Variants in SCARA5 observed in about 807,000 individuals in gnomAD.
SCARA5 encodes the protein scavenger receptor class A, member 5 (putative).
Under a neutral mutation model 46.3 loss-of-function variants are expected in SCARA5, and 45 were observed. That is an observed-to-expected ratio of 0.97 (90% CI 0.76 to 1.24). SCARA5 has a LOEUF of 1.24. Ranked by LOEUF, SCARA5 falls within the 50% of genes most tolerant of loss-of-function variation. The pLI is 0.00. For missense variants in SCARA5, 680 were observed against 689.0 expected (o/e 0.99, Z 0.15); for synonymous variants, 333 against 306.5 (o/e 1.09, Z -0.90).
rs1422865662 is a variant in SCARA5, at chr8:27,871,774, G to A, written c.*160C>T. On this transcript the variant is annotated 3_prime_UTR_variant, in exon 9 of 9. Transcript: ENST00000354914. ...CGGAGCACATGTTCAAGAGGGAAAT[G>A]ACGACCGGCCCCCACGGTCCTGGGA... is the stretch of plus-strand genomic sequence containing the variant. 32 of 1,462,910 alleles carry A rather than the reference G, an allele frequency of 2.2e-5. No individual in the cohort carries two copies. Among genetic ancestry groups the A allele is most frequent in the Non-Finnish European group, 2.8e-5 (31 of 1,109,912 alleles). The allele number at this position is 1,462,910 out of a possible 1,614,324, so 90.6% of individuals were successfully genotyped here. A position where few individuals can be genotyped will look rare whatever the true frequency, so the allele number is the denominator to read the frequency against.
rs1053298463 is a variant in SCARA5, at chr8:27,870,707, A to T, written c.*1227T>A. The stretch of plus-strand genomic sequence containing the variant: ...CCCTGTCTCTAGGAGGAGGGTGCAG[A>T]TTGCAGATTTATGGAGGCCCAAGGC... On this transcript the variant is annotated 3_prime_UTR_variant, in exon 9 of 9. Coordinates refer to ENST00000354914, the MANE Select transcript of SCARA5 (RefSeq NM_173833.6). 1 of 152,152 alleles carries T rather than the reference A, an allele frequency of 6.6e-6. No individual in the cohort carries two copies. The highest frequency in any genetic ancestry group is 1.5e-5 in the Non-Finnish European group (1 of 68,044). 9.4% of individuals were successfully genotyped at this position (152,152 alleles called of 1,614,324 possible). A position where few individuals can be genotyped will look rare whatever the true frequency, so the allele number is the denominator to read the frequency against.
intron 2 of SCARA5, among the ~76,000 whole-genome samples, chr8:27,982,070 A>T (rs1056398861): frequency 6.6e-6 from 1 of 152,286 alleles, no homozygotes; most frequent in South Asian, 2.1e-4. Flanking sequence ...CCGGGCCTGG[A>T]GGCAGCGAGC....
intron 7 of SCARA5, among the ~76,000 whole-genome samples, chr8:27,885,114 T>C (rs995655453): frequency 6.6e-6 from 1 of 151,482 alleles, no homozygotes; most frequent in Non-Finnish European, 1.5e-5. Flanking sequence ...GCAGGCACCA[T>C]CTTGGACAGG....
intron 3 of SCARA5, among the ~76,000 whole-genome samples, chr8:27,949,965 G>A (rs956561584): frequency 6.6e-6 from 1 of 152,234 alleles, no homozygotes; most frequent in African/African-American, 2.4e-5. Context: ...GCATGAACAA[G>A]CAGGCTGGCC....
intron 3 of SCARA5, among the ~76,000 whole-genome samples, chr8:27,955,295 C>T (rs1462895815): frequency 6.6e-6 from 1 of 152,134 alleles, no homozygotes. Flanking sequence ...CCCAGCAGGG[C>T]GAGACGGGAG....
intron 4 of SCARA5, among the ~76,000 whole-genome samples, chr8:27,916,880 A>C (rs935543962): frequency 3.8e-4 from 58 of 152,160 alleles, no homozygotes; most frequent in African/African-American, 1.4e-3. Context: ...CCTAATCACC[A>C]AGGCAATGGT....
chr8:27,978,734 C>T (rs930235006), intron 2 of SCARA5, among the ~76,000 whole-genome samples: 1 of 152,100 alleles, frequency 6.6e-6, no homozygotes, highest in African/African-American at 2.4e-5. Context: ...TGGTCTTGAA[C>T]TCCTGGCCTC....
intron 3 of SCARA5, among the ~76,000 whole-genome samples, chr8:27,951,176 T>G (rs980492209): frequency 6.6e-6 from 1 of 152,224 alleles, no homozygotes. Flanking sequence ...AAATTTAGGC[T>G]AGTGAATGAT....
At chr8:27,920,160 A>ACATTTTTG (rs1348870761) in intron 4 of SCARA5, among the ~76,000 whole-genome samples, 2 of 152,072 alleles carry the variant, frequency 1.3e-5, no homozygotes, top group Non-Finnish European at 2.9e-5. Flanking sequence ...GGAGGCCCAT[A>ACATTTTTG]CATTTTTGCA....
chr8:27,946,242 TG>T (rs1285851571), intron 3 of SCARA5, among the ~76,000 whole-genome samples: 1 of 152,176 alleles, frequency 6.6e-6, no homozygotes, highest in Admixed American at 6.5e-5. Flanking sequence ...TGTAACAATG[TG>T]GGACATGCAT....
chr8:27,874,273 AG>A (rs1806689266), intron 8 of SCARA5, among the ~76,000 whole-genome samples: 2 of 152,342 alleles, frequency 1.3e-5, no homozygotes, highest in Admixed American at 6.5e-5. Flanking sequence ...ACTATTTAAC[AG>A]GTATTTAAGA....
intron 3 of SCARA5, among the ~76,000 whole-genome samples, chr8:27,948,143 T>C (rs1487761841): frequency 6.6e-6 from 1 of 152,168 alleles, no homozygotes. Flanking sequence ...TTCTGTGTAT[T>C]TCACCAGAAT....
At chr8:27,935,409 G>A (rs1201272193) in intron 3 of SCARA5, among the ~76,000 whole-genome samples, 3 of 152,168 alleles carry the variant, frequency 2.0e-5, no homozygotes, top group African/African-American at 7.2e-5. Context: ...GTCTCAATGG[G>A]TGGTTGGAGC....
rs1807606384 is a variant in SCARA5, at chr8:27,922,129, C to T, written c.358G>A (p.Asp120Asn). The T allele has an allele frequency of 6.2e-7, 1 of 1,606,996 alleles. No homozygotes were observed. Among genetic ancestry groups the T allele is most frequent in the Non-Finnish European group, 8.5e-7 (1 of 1,177,554 alleles). The change falls in exon 4 of 9, where the codon GAC becomes AAC. Residue 120 changes from aspartate (D) to asparagine (N), a missense_variant. Physicochemically the swap from Asp to Asn is conservative, Grantham distance 23. Coordinates refer to ENST00000354914, the MANE Select transcript of SCARA5 (RefSeq NM_173833.6). ...LRLLQAPLQA[D>N]LTEQVWKVQD... ...ACCTTCCACACCTGCTCCGTCAGGTCCGCTTGCAGCGGAGCCTGCAGCAGC... is the reference window on the plus strand; with the variant it reads ...ACCTTCCACACCTGCTCCGTCAGGTTCGCTTGCAGCGGAGCCTGCAGCAGC...
intron 7 of SCARA5, among the ~76,000 whole-genome samples, chr8:27,897,449 A>C (rs1473873965): frequency 6.6e-6 from 1 of 152,264 alleles, no homozygotes; most frequent in Admixed American, 6.5e-5. Flanking sequence ...TCTTTGTTCA[A>C]AACCCACATC....
chr8:27,919,461 C>T (rs1807546622), intron 4 of SCARA5, among the ~76,000 whole-genome samples: 1 of 152,088 alleles, frequency 6.6e-6, no homozygotes, highest in Admixed American at 6.6e-5. Context: ...GAGAACATCA[C>T]ATGTTTCTGG....
chr8:27,892,886 G>A (rs1350819470), intron 7 of SCARA5, among the ~76,000 whole-genome samples: 1 of 152,164 alleles, frequency 6.6e-6, no homozygotes, highest in East Asian at 1.9e-4. Context: ...GATTACAGGC[G>A]TGAGCCACCG....
chr8:27,872,213 C>T, intron 8 of SCARA5, 143 bp from the exon 9 acceptor site: 5 of 723,350 alleles, frequency 6.9e-6, no homozygotes, highest in Non-Finnish European at 1.1e-5. Context: ...CCACGCCCCC[C>T]GAAGACCTCA....
intron 7 of SCARA5, among the ~76,000 whole-genome samples, chr8:27,884,385 A>G (rs184462992): frequency 1.3e-5 from 2 of 152,348 alleles, no homozygotes; most frequent in African/African-American, 4.8e-5. Context: ...ACCTGCAGCC[A>G]GCAGCACCAA....
Sources: gnomAD v4.1 joint callset for allele counts (sites outside exome capture counted in the v4.1 genomes callset) on GRCh38, gnomAD v4.1.1 for gene constraint, MANE v1.5 for transcripts, NCBI Gene and HGNC (gene_info 2026-07-23, HGNC 2026-07-21) for gene names.